Variants in ATP2A3 observed in about 807,000 individuals in gnomAD.
The protein encoded by ATP2A3 is ATPase sarcoplasmic/endoplasmic reticulum Ca2+ transporting 3, also known as sarcoplasmic/endoplasmic reticulum calcium ATPase 3.
In ATP2A3, 61 loss-of-function variants were observed where a neutral mutation model predicts 106.8. That is an observed-to-expected ratio of 0.57 (90% CI 0.46 to 0.71). The LOEUF (loss-of-function observed/expected upper bound fraction) is 0.71, where lower values mean the gene tolerates loss of function less well. ATP2A3 is among the 30% of genes least tolerant of loss of function. The probability of loss-of-function intolerance (pLI) is 0.00; values close to 1 mark genes in which losing one functional copy is unlikely to be tolerated. For synonymous variants in ATP2A3, 611 were observed against 609.3 expected (o/e 1.00, Z -0.04); for missense variants, 1,201 against 1,423.5 (o/e 0.84, Z 2.52).
At position 3,955,166 on chromosome 17, in the gene ATP2A3, C is replaced by T. The variant is rs2054701600; in HGVS notation, c.119-1456G>A. The stretch of plus-strand genomic sequence containing the variant: ...ATCTCCCCGAAGCTCGTTAGCCATG[C>T]GGAATCTGAGGCCCCGGCCATGGCT... On this transcript the variant is annotated intron_variant, in intron 1 of 20. Coordinates refer to ENST00000397041, the MANE Select transcript of ATP2A3 (RefSeq NM_005173.4). This position sits in a 1 kb window ranked among gnomAD's most constrained non-coding sequence, Gnocchi z 4.2. Among the ~76,000 whole-genome samples the T allele has an allele frequency of 6.6e-6, 1 of 152,258 alleles. No individual in the cohort carries two copies. The highest frequency in any genetic ancestry group is 2.1e-4 in the South Asian group (1 of 4,834).
rs1202670169 is a variant in ATP2A3, at chr17:3,933,262, C to G, written c.2610+1930G>C. Among the ~76,000 whole-genome samples the G allele has an allele frequency of 2.0e-5, 3 of 150,536 alleles. 1 individual carries two copies. The highest frequency in any genetic ancestry group is 7.5e-5 in the African/African-American group (3 of 40,120). The stretch of plus-strand genomic sequence containing the variant: ...CGCCACTGCACTCCAGCCTGGGTGA[C>G]AGAGCGAGACTCTGTCTCAAATAAA... On this transcript the variant is annotated intron_variant, in intron 17 of 20. Coordinates refer to ENST00000397041, the MANE Select transcript of ATP2A3 (RefSeq NM_005173.4).
Position 3,936,186 on chromosome 17 carries a change from C to A in ATP2A3, c.2524+81G>T. The A allele has an allele frequency of 1.3e-6, 2 of 1,547,634 alleles. No homozygotes were observed. The highest frequency in any genetic ancestry group is 2.2e-5 in the South Asian group (2 of 89,628). ...TCTACTGGCACAAGCCAGGCTGAGT[C>A]ACACTGTCTGCAGCTTGCAAGCCTG... On this transcript the variant is annotated intron_variant, in intron 16 of 20. Transcript: ENST00000397041. The surrounding 1 kb of genome is among the most constrained non-coding windows in gnomAD (Gnocchi z 5.4).
At chr17:3,956,339 G>A (rs984980297) in intron 1 of ATP2A3, among the ~76,000 whole-genome samples, 5 of 152,074 alleles carry the variant, frequency 3.3e-5, no homozygotes, top group Non-Finnish European at 7.4e-5. Context: ...GGCACTTCCC[G>A]GCCCCCGTGT....
chr17:3,928,226 C>A lies in ATP2A3; in HGVS notation c.2980+437G>T. The A allele has an allele frequency of 6.2e-7, 1 of 1,613,584 alleles. No homozygotes were observed. The highest frequency in any genetic ancestry group is 8.5e-7 in the Non-Finnish European group (1 of 1,179,970). The stretch of plus-strand genomic sequence containing the variant: ...CCCTTGACCCACCCACAAGGTGATA[C>A]CAAAGAGGCCAACCCGGTGTGGTCT... On this transcript the variant is annotated intron_variant, in intron 20 of 20. Transcript: ENST00000397041. The surrounding 1 kb of genome is among the most constrained non-coding windows in gnomAD (Gnocchi z 6.1).
chr17:3,942,076 T>C (rs1222318153), intron 12 of ATP2A3, among the ~76,000 whole-genome samples: 3 of 152,186 alleles, frequency 2.0e-5, no homozygotes, highest in Non-Finnish European at 2.9e-5. Context: ...AATAGAGCCA[T>C]ACACAGGGTA....
In ATP2A3 at chr17:3,944,777, C is replaced by A; in HGVS notation, c.1214G>T (p.Gly405Val). The change falls in exon 10 of 21, where the codon GGC (glycine) becomes GTC (valine). Residue 405 changes from glycine to valine, a missense_variant. Around this residue, in one of 2 missense-constraint regions of ATP2A3, gnomAD observed 935 missense variants for 1,176.7 expected, o/e 0.79. Transcript: ENST00000397041. ...CAGCTCCACCAGCCCGTCGAACTGGCCGCAGCGCACAGGCTGATCCCCCTG... is the reference window on the plus strand; with the variant it reads ...CAGCTCCACCAGCCCGTCGAACTGGACGCAGCGCACAGGCTGATCCCCCTG... ...VRQGDQPVRCGQFDGLVELAT... is the reference protein window; with the variant it reads ...VRQGDQPVRCVQFDGLVELAT... 1 of 1,612,334 alleles carries A rather than the reference C, an allele frequency of 6.2e-7. No homozygotes were observed.
At position 3,935,214 on chromosome 17, in the gene ATP2A3, G is replaced by C. The variant is rs2053364452; in HGVS notation, c.2588C>G (p.Pro863Arg). 6.2e-7 allele frequency: 1 copy of C among 1,613,938 alleles called. No homozygotes were observed. ...TWWFVYDAEGPHINFYQLRNF... is the reference protein window; with the variant it reads ...TWWFVYDAEGRHINFYQLRNF... ...CACCAGCTGGTAGAAGTTGATGTGAGGTCCCTCGGCGTCATACACAAACCA... is the reference window on the plus strand; with the variant it reads ...CACCAGCTGGTAGAAGTTGATGTGACGTCCCTCGGCGTCATACACAAACCA... The change falls in exon 17 of 21, where the codon CCT becomes CGT. Residue 863 changes from proline (P) to arginine (R), a missense_variant. Physicochemically the swap from Pro to Arg is moderately radical, Grantham distance 103. Around this residue, in one of 2 missense-constraint regions of ATP2A3, gnomAD observed 935 missense variants for 1,176.7 expected, o/e 0.79. Coordinates refer to ENST00000397041, the MANE Select transcript of ATP2A3 (RefSeq NM_005173.4).
At position 3,964,252 on chromosome 17, in the gene ATP2A3, G is replaced by A. The variant is rs1338518416; in HGVS notation, c.40C>T (p.Arg14Cys). Residue 14 changes from arginine (R) to cysteine (C), a missense_variant, in exon 1 of 21, where the codon CGC becomes TGC. This residue lies in a region of ATP2A3 where 266 missense variants were observed against 246.8 expected (regional missense o/e 1.08). Coordinates refer to ENST00000397041, the MANE Select transcript of ATP2A3 (RefSeq NM_005173.4). ...AHLLPAADVL[R>C]HFSVTAEGGL... ...CCCTCGGCTGTCACCGAGAAGTGGC[G>A]CAGCACGTCGGCGGCCGGGAGCAGA... The A allele has an allele frequency of 2.3e-6, 3 of 1,282,372 alleles. No individual in the cohort carries two copies. The allele number at this position is 1,282,372 out of a possible 1,614,324, so 79.4% of individuals were successfully genotyped here. A position where few individuals can be genotyped will look rare whatever the true frequency, so the allele number is the denominator to read the frequency against.
chr17:3,925,125 G>C lies in ATP2A3; in HGVS notation c.*297C>G, dbSNP rs1201760053. ...GATCTCTGGGTATGCTGCCAGCTCC[G>C]GCTTCTTGGCTGCCCCCTCCCAGCC... is the stretch of plus-strand genomic sequence containing the variant. On this transcript the variant is annotated 3_prime_UTR_variant, in exon 21 of 21. Transcript: ENST00000397041. The surrounding 1 kb of genome is among the most constrained non-coding windows in gnomAD (Gnocchi z 4.2). 17 of 573,538 alleles carry C rather than the reference G, an allele frequency of 3.0e-5. No homozygotes were observed. The highest frequency in any genetic ancestry group is 1.2e-4 in the Admixed American group (4 of 32,844). 35.5% of individuals were successfully genotyped at this position (573,538 alleles called of 1,614,324 possible). A position where few individuals can be genotyped will look rare whatever the true frequency, so the allele number is the denominator to read the frequency against.
At chr17:3,937,861 A>G (rs111646693) in intron 14 of ATP2A3, among the ~76,000 whole-genome samples, 1,609 of 152,268 alleles carry the variant, frequency 0.011, 25 homozygotes, top group African/African-American at 0.037. Context: ...AATATCAAGC[A>G]TGAGGTTAGG....
rs781469368 is a variant in ATP2A3 at position 3,936,406 on chromosome 17, C to T, written c.2385G>A (p.Val795=). ...CAGGTAGGCCGTCTGTCACCAGGTT[C>T]ACCCAGAGCAGCTGCACAGGGATCA... ...EALIPVQLLW[V]NLVTDGLPAT... Residue 795 remains valine, a synonymous_variant, in exon 16 of 21, where the codon GTG becomes GTA. Coordinates refer to ENST00000397041, the MANE Select transcript of ATP2A3 (RefSeq NM_005173.4). The surrounding 1 kb of genome is among the most constrained non-coding windows in gnomAD (Gnocchi z 5.4). The T allele has an allele frequency of 3.7e-6, 6 of 1,614,116 alleles. No individual in the cohort carries two copies. Among genetic ancestry groups the T allele is most frequent in the Non-Finnish European group, 5.1e-6 (6 of 1,180,030 alleles).
chr17:3,945,068 C>T lies in ATP2A3; in HGVS notation c.1176G>A (p.Glu392=). The change falls in exon 9 of 21, where the codon GAG becomes GAA. Residue 392 remains glutamate, a synonymous_variant. Transcript: ENST00000397041. The stretch of plus-strand genomic sequence containing the variant: ...CCTGGCCCCGCACTCACACTTCGCC[C>T]TCGGGGGTATACGTGGTACCCGAGA... The part of the protein sequence containing the change: ...FTISGTTYTP[E]GEVRQGDQPV... 6.5e-7 allele frequency: 1 copy of T among 1,544,406 alleles called. No homozygotes were observed. Among genetic ancestry groups the T allele is most frequent in the South Asian group, 1.2e-5 (1 of 83,862 alleles).
Position 3,937,467 on chromosome 17 carries a change from A to G in ATP2A3, c.2270T>C (p.Met757Thr). The G allele has an allele frequency of 1.2e-6, 2 of 1,612,864 alleles. No homozygotes were observed. The highest frequency in any genetic ancestry group is 1.7e-6 in the Non-Finnish European group (2 of 1,179,134). Residue 757 changes from methionine (M) to threonine (T), a missense_variant, in exon 15 of 21, where the codon ATG becomes ACG. By Grantham distance (81) the Met-to-Thr change is moderately conservative (BLOSUM62 -1). Around this residue, in one of 2 missense-constraint regions of ATP2A3, gnomAD observed 935 missense variants for 1,176.7 expected, o/e 0.79. Transcript: ENST00000397041. The stretch of plus-strand genomic sequence containing the variant: ...GATGAGGTAGCGGATGAATTGCTTC[A>G]TGTTGCTGTAGATGGCCCGGCCCTC... Reference protein sequence around the residue: ...VEEGRAIYSNMKQFIRYLISS... With the variant: ...VEEGRAIYSNTKQFIRYLISS...
Position 3,928,527 on chromosome 17 carries a change from A to G in ATP2A3, c.2980+136T>C. 1 of 981,808 alleles carries G rather than the reference A, an allele frequency of 1.0e-6. No homozygotes were observed. Among genetic ancestry groups the G allele is most frequent in the South Asian group, 1.4e-5 (1 of 70,588 alleles). The allele number at this position is 981,808 out of a possible 1,614,324, so 60.8% of individuals were successfully genotyped here. ...CCACCAGAGCCCCTTCACACCCTCC[A>G]CTTGGTGATCCGAGAACGCCTCCCC... On this transcript the variant is annotated intron_variant, in intron 20 of 20. Coordinates refer to ENST00000397041, the MANE Select transcript of ATP2A3 (RefSeq NM_005173.4). This position sits in a 1 kb window ranked among gnomAD's most constrained non-coding sequence, Gnocchi z 6.1.
intron 1 of ATP2A3, among the ~76,000 whole-genome samples, chr17:3,957,473 C>T (rs370880116): frequency 1.3e-5 from 2 of 152,220 alleles, no homozygotes; most frequent in Non-Finnish European, 2.9e-5. Context: ...TCCCTTCAGT[C>T]GGCGTGCCCC....
chr17:3,956,304 C>T (rs1404574852), intron 1 of ATP2A3, among the ~76,000 whole-genome samples: 1 of 152,186 alleles, frequency 6.6e-6, no homozygotes, highest in African/African-American at 2.4e-5. Flanking sequence ...TGGTTCTCCC[C>T]CACCTTGTGG....
At position 3,947,095 on chromosome 17, in the gene ATP2A3, A is replaced by G. The variant is rs925327023; in HGVS notation, c.1095+296T>C. ...AGCCTCTCCTATGTCCTTTACGTTT[A>G]CCTAGCAGGGCTCACACAGCCAGGC... On this transcript the variant is annotated intron_variant, in intron 8 of 20. Transcript: ENST00000397041. The surrounding 1 kb of genome is among the most constrained non-coding windows in gnomAD (Gnocchi z 7.7). Among the ~76,000 whole-genome samples, 1 of 152,158 alleles carries G rather than the reference A, an allele frequency of 6.6e-6. No individual in the cohort carries two copies. Among genetic ancestry groups the G allele is most frequent in the Non-Finnish European group, 1.5e-5 (1 of 68,028 alleles).
chr17:3,957,055 C>T (rs1033546017), intron 1 of ATP2A3, among the ~76,000 whole-genome samples: 1 of 152,236 alleles, frequency 6.6e-6, no homozygotes, highest in African/African-American at 2.4e-5. Context: ...TGCCTTACCG[C>T]ATTATCACCA....
chr17:3,958,807 C>CACACACATATATATACAG (rs1567726634), intron 1 of ATP2A3, among the ~76,000 whole-genome samples: 1 of 81,644 alleles, frequency 1.2e-5, no homozygotes, highest in Non-Finnish European at 2.2e-5. Context: ...TATATACACA[C>CACACACATATATATACAG]ATATATATAT....
Sources: gnomAD v4.1 joint callset for allele counts (sites outside exome capture counted in the v4.1 genomes callset) on GRCh38, gnomAD v4.1.1 for gene constraint, gnomAD v4.1.1 regional missense constraint, Gnocchi (gnomAD v3.1) non-coding constraint, MANE v1.5 for transcripts, NCBI Gene and HGNC (gene_info 2026-07-23, HGNC 2026-07-21) for gene names.